The following NAV2 variants were observed in gnomAD, a reference collection of about 807,000 sequenced individuals.
The protein encoded by NAV2 is helicase, APC down-regulated 1.
A neutral mutation model predicts 223.2 loss-of-function variants in NAV2; 54 were observed. The observed-to-expected ratio is 0.24, with a 90% confidence interval of 0.19 to 0.30. NAV2 has a LOEUF of 0.30. Among genes scored for constraint, NAV2 ranks in the 10% least tolerant of loss-of-function variants. The probability of loss-of-function intolerance (pLI) is 1.00; values close to 1 mark genes in which losing one functional copy is unlikely to be tolerated. For missense variants in NAV2, 2,806 were observed against 3,147.5 expected, an observed-to-expected ratio of 0.89 and a Z score of 2.60; for synonymous variants, 1,279 against 1,239.3, an observed-to-expected ratio of 1.03 and a Z score of -0.67.
chr11:19,818,101 C>T (rs555381860), intron 1 of NAV2, among the ~76,000 whole-genome samples: 40 of 152,100 alleles, frequency 2.6e-4, no homozygotes, highest in African/African-American at 8.0e-4. Flanking sequence ...GTCTACTGCC[C>T]CCTAAATTTG....
At chr11:19,885,913 T>G (rs938472726) in intron 5 of NAV2, among the ~76,000 whole-genome samples, 1 of 152,206 alleles carries the variant, frequency 6.6e-6, no homozygotes, top group African/African-American at 2.4e-5. Flanking sequence ...TTACTTTTCT[T>G]TTTTTAGACA....
chr11:19,913,367 A>C (rs371194401), intron 6 of NAV2, among the ~76,000 whole-genome samples: 1 of 152,120 alleles, frequency 6.6e-6, no homozygotes, highest in East Asian at 1.9e-4. Context: ...TCAGCCCCAC[A>C]TCCTTGTATG....
chr11:19,826,557 G>A (rs530366106), intron 1 of NAV2, among the ~76,000 whole-genome samples: 11 of 152,236 alleles, frequency 7.2e-5, no homozygotes, highest in Middle Eastern at 3.4e-3. Flanking sequence ...GAAGGAGATG[G>A]GGCTGAATTT....
intron 5 of NAV2, among the ~76,000 whole-genome samples, chr11:19,882,683 C>G (rs2063288255): frequency 6.6e-6 from 1 of 152,204 alleles, no homozygotes; most frequent in Non-Finnish European, 1.5e-5. Flanking sequence ...GCCAAAACAT[C>G]CTACTACTAA....
Position 20,101,059 on chromosome 11 carries a change from A to T in NAV2, c.6304A>T (p.Thr2102Ser). The change falls in exon 32 of 38, where the codon ACT becomes TCT. Residue 2102 changes from threonine (T) to serine (S), a missense_variant. Thr to Ser is a moderately conservative substitution (Grantham distance 58). Coordinates refer to ENST00000349880, the MANE Select transcript of NAV2 (RefSeq NM_145117.5). ...GATCATTCTCTCTGGCCCCAGCGGC[A>T]CTGGGAAAACCTACCTGGCCAACCG... ...RRIILSGPSGTGKTYLANRLS... is the reference protein window; with the variant it reads ...RRIILSGPSGSGKTYLANRLS... 1 of 1,614,108 alleles carries T rather than the reference A, an allele frequency of 6.2e-7. No homozygotes were observed. Among genetic ancestry groups the T allele is most frequent in the Non-Finnish European group, 8.5e-7 (1 of 1,180,004 alleles).
chr11:19,946,585 A>C, intron 9 of NAV2, 76 bp downstream of exon 9: 1 of 1,276,206 alleles, frequency 7.8e-7, no homozygotes, highest in South Asian at 1.3e-5. Flanking sequence ...TAGCAGTAGC[A>C]AAGCGATTTG....
intron 20 of NAV2, among the ~76,000 whole-genome samples, chr11:20,067,498 G>A (rs765251427): frequency 4.1e-4 from 63 of 151,944 alleles, no homozygotes; most frequent in Non-Finnish European, 1.2e-4. Context: ...TTTATTTTTT[G>A]AGACGGGTAG....
intron 1 of NAV2, among the ~76,000 whole-genome samples, chr11:19,501,247 C>T (rs916825817): frequency 3.3e-5 from 5 of 152,122 alleles, no homozygotes; most frequent in Non-Finnish European, 5.9e-5. Context: ...ATCTCAAGGT[C>T]CTTAATTTTA....
intron 11 of NAV2, among the ~76,000 whole-genome samples, chr11:20,032,846 G>A (rs2055914155): frequency 6.6e-6 from 1 of 152,212 alleles, no homozygotes; most frequent in Non-Finnish European, 1.5e-5. Context: ...AGTTTGTCAG[G>A]AGGTATTTAA....
chr11:19,799,202 A>G (rs2058086463), intron 1 of NAV2, among the ~76,000 whole-genome samples: 1 of 152,216 alleles, frequency 6.6e-6, no homozygotes, highest in African/African-American at 2.4e-5. Context: ...TTATGCCCAC[A>G]TGAATTCCAA....
intron 1 of NAV2, among the ~76,000 whole-genome samples, chr11:19,707,483 C>A (rs2049700476): frequency 6.6e-6 from 1 of 152,138 alleles, no homozygotes; most frequent in South Asian, 2.1e-4. Flanking sequence ...GCCAATATCA[C>A]TGTTTTCCAC....
chr11:19,419,402 A>G (rs558080375), intron 1 of NAV2, among the ~76,000 whole-genome samples: 15 of 152,200 alleles, frequency 9.9e-5, no homozygotes, highest in Non-Finnish European at 1.8e-4. Flanking sequence ...TTCTCCTGGC[A>G]ATGCAGGCAG....
intron 1 of NAV2, among the ~76,000 whole-genome samples, chr11:19,602,431 C>T (rs2046373761): frequency 6.6e-6 from 1 of 152,144 alleles, no homozygotes; most frequent in African/African-American, 2.4e-5. Context: ...CTGCTTCGGC[C>T]TCCCAAAGTG....
chr11:20,053,551 G>A (rs759286659), intron 17 of NAV2, among the ~76,000 whole-genome samples: 2 of 152,182 alleles, frequency 1.3e-5, no homozygotes, highest in Non-Finnish European at 2.9e-5. Flanking sequence ...ATTTGGGGTT[G>A]CTTTTATGAA....
At chr11:19,481,507 ACT>A (rs1400609552) in intron 1 of NAV2, among the ~76,000 whole-genome samples, 1 of 152,122 alleles carries the variant, frequency 6.6e-6, no homozygotes, top group African/African-American at 2.4e-5. Context: ...TCAAGTACTG[ACT>A]CTTCCACTTA....
At chr11:19,740,568 A>T (rs902551244) in intron 1 of NAV2, among the ~76,000 whole-genome samples, 4 of 152,178 alleles carry the variant, frequency 2.6e-5, no homozygotes, top group Non-Finnish European at 5.9e-5. Flanking sequence ...AAATACTAAA[A>T]AAAAATAAAA....
chr11:19,873,415 T>C (rs2062650813), intron 4 of NAV2, among the ~76,000 whole-genome samples: 1 of 151,412 alleles, frequency 6.6e-6, no homozygotes, highest in Admixed American at 6.6e-5. Context: ...AAAAGGAAGG[T>C]GAAAGGAAAT....
intron 1 of NAV2, among the ~76,000 whole-genome samples, chr11:19,526,950 G>A (rs1035168302): frequency 6.6e-5 from 10 of 152,112 alleles, no homozygotes; most frequent in African/African-American, 2.4e-4. Context: ...GGACATCCTA[G>A]GTCCCTGGGG....
intron 1 of NAV2, among the ~76,000 whole-genome samples, chr11:19,759,319 G>A (rs1590345312): frequency 6.6e-6 from 1 of 151,956 alleles, no homozygotes; most frequent in Non-Finnish European, 1.5e-5. Context: ...TGCTGACCTC[G>A]TGATCCGCCT....
Sources: gnomAD v4.1 joint callset for allele counts (sites outside exome capture counted in the v4.1 genomes callset) on GRCh38, gnomAD v4.1.1 for gene constraint, MANE v1.5 for transcripts, NCBI Gene and HGNC (gene_info 2026-07-23, HGNC 2026-07-21) for gene names.